PTPRD: variants seen among roughly 807,000 people sequenced by gnomAD.
PTPRD encodes the protein protein tyrosine phosphatase receptor type D.
PTPRD carries 34 observed loss-of-function variants against 214.5 expected under a neutral mutation model. That is an observed-to-expected ratio of 0.16 (90% confidence interval 0.12 to 0.21). The LOEUF (loss-of-function observed/expected upper bound fraction) is 0.21. PTPRD is among the 10% of genes least tolerant of loss of function. The probability of loss-of-function intolerance (pLI) is 1.00; values close to 1 mark genes in which losing one functional copy is unlikely to be tolerated. For missense variants in PTPRD, 2,545 were observed against 2,398.7 expected (o/e 1.06, Z -1.27); for synonymous variants, 1,128 against 845.7 (o/e 1.33, Z -5.79).
chr9:10,576,734 T>C (rs1427890653), intron 2 of PTPRD, among the ~76,000 whole-genome samples: 4 of 152,266 alleles, frequency 2.6e-5, no homozygotes, highest in African/African-American at 4.8e-5. Context: ...ATATGTTCAA[T>C]AGCTCCAAGG....
intron 7 of PTPRD, among the ~76,000 whole-genome samples, chr9:9,706,836 G>T (rs977322141): frequency 5.3e-5 from 8 of 152,096 alleles, no homozygotes; most frequent in African/African-American, 1.9e-4. Flanking sequence ...TTTGGGGTGG[G>T]AATGGGGCGA....
In PTPRD at chr9:8,907,589, G is replaced by A. The variant is rs115195801; in HGVS notation, c.-104+111108C>T. Among the ~76,000 whole-genome samples, 145 of 148,486 alleles carry A rather than the reference G, an allele frequency of 9.8e-4. 1 individual carries two copies. Among genetic ancestry groups the A allele is most frequent in the African/African-American group, 3.4e-3 (138 of 40,636 alleles). ...AATACACAGCATTGAATCAACAAAT[G>A]GGGAATACAGATAAAGCAACTATTA... On this transcript the variant is annotated intron_variant, in intron 11 of 45. Transcript: ENST00000381196.
chr9:9,859,822 C>T (rs2062329875), intron 5 of PTPRD, among the ~76,000 whole-genome samples: 1 of 152,148 alleles, frequency 6.6e-6, no homozygotes, highest in Non-Finnish European at 1.5e-5. Context: ...CTGACTTTCT[C>T]CTTATAACAT....
intron 10 of PTPRD, among the ~76,000 whole-genome samples, chr9:9,050,308 G>C (rs1405881681): frequency 6.6e-6 from 1 of 152,162 alleles, no homozygotes; most frequent in East Asian, 1.9e-4. Context: ...AATGAAGGAA[G>C]ATGAAGGCAG....
At chr9:10,274,318 T>G (rs928627072) in intron 3 of PTPRD, among the ~76,000 whole-genome samples, 1 of 152,114 alleles carries the variant, frequency 6.6e-6, no homozygotes, top group Non-Finnish European at 1.5e-5. Context: ...AGGACAAGGG[T>G]TATAGCTAAC....
intron 11 of PTPRD, among the ~76,000 whole-genome samples, chr9:8,891,760 A>G (rs959784845): frequency 6.6e-6 from 1 of 152,152 alleles, no homozygotes; most frequent in African/African-American, 2.4e-5. Flanking sequence ...GAAAACATTT[A>G]TTAGGAATTG....
At chr9:9,424,220 C>T (rs2079947911) in intron 8 of PTPRD, among the ~76,000 whole-genome samples, 1 of 152,232 alleles carries the variant, frequency 6.6e-6, no homozygotes, top group Non-Finnish European at 1.5e-5. Flanking sequence ...TTACTTCTCT[C>T]TCTGCCCATT....
chr9:9,295,186 T>A (rs893372050), intron 9 of PTPRD, among the ~76,000 whole-genome samples: 8 of 151,748 alleles, frequency 5.3e-5, no homozygotes, highest in African/African-American at 1.9e-4. Flanking sequence ...CTAAATTTTA[T>A]TTAAACAAAT....
intron 2 of PTPRD, among the ~76,000 whole-genome samples, chr9:10,598,970 T>C (rs1365173214): frequency 6.6e-6 from 1 of 151,656 alleles, no homozygotes; most frequent in African/African-American, 2.4e-5. Context: ...TAACAGCCAC[T>C]CTCAAATTTT....
intron 2 of PTPRD, among the ~76,000 whole-genome samples, chr9:10,514,553 TA>T (rs2049366524): frequency 6.6e-6 from 1 of 151,930 alleles, no homozygotes; most frequent in Admixed American, 6.6e-5. Flanking sequence ...ATATTCAAAT[TA>T]TTTCCAAATT....
chr9:9,420,993 T>G (rs1354585850), intron 8 of PTPRD, among the ~76,000 whole-genome samples: 1 of 152,010 alleles, frequency 6.6e-6, no homozygotes, highest in African/African-American at 2.4e-5. Flanking sequence ...CATTTGGTTG[T>G]GCATGCCTTG....
chr9:9,194,972 A>G (rs189905115), intron 9 of PTPRD, among the ~76,000 whole-genome samples: 79 of 149,970 alleles, frequency 5.3e-4, no homozygotes, highest in Non-Finnish European at 7.0e-4. Flanking sequence ...ATCAAGGACC[A>G]GTTGAACCCT....
chr9:10,239,704 G>GAA (rs61297013), intron 3 of PTPRD, among the ~76,000 whole-genome samples: 11 of 151,256 alleles, frequency 7.3e-5, no homozygotes, highest in South Asian at 2.1e-4. Context: ...ACTGAATCCA[G>GAA]AAAAAAATGA....
intron 11 of PTPRD, among the ~76,000 whole-genome samples, chr9:8,758,091 C>A (rs1338780080): frequency 6.6e-6 from 1 of 152,164 alleles, no homozygotes; most frequent in African/African-American, 2.4e-5. Flanking sequence ...CTCCAGCCTA[C>A]CTCATCAAAA....
chr9:9,977,664 A>T (rs1231991832), intron 4 of PTPRD, among the ~76,000 whole-genome samples: 1 of 152,128 alleles, frequency 6.6e-6, no homozygotes, highest in African/African-American at 2.4e-5. Context: ...GGACATATCA[A>T]TTCGCGTTTG....
intron 9 of PTPRD, among the ~76,000 whole-genome samples, chr9:9,345,831 A>G (rs114495862): frequency 6.6e-6 from 1 of 152,186 alleles, no homozygotes; most frequent in Non-Finnish European, 1.5e-5. Context: ...ACATTAGGTT[A>G]TTGTGATGAT....
chr9:10,347,891 C>G (rs1357250638), intron 2 of PTPRD, among the ~76,000 whole-genome samples: 11 of 151,928 alleles, frequency 7.2e-5, no homozygotes, highest in Non-Finnish European at 1.6e-4. Context: ...AAACCTATCT[C>G]TACTAAAAAT....
chr9:10,075,567 G>T (rs755082215), intron 3 of PTPRD, among the ~76,000 whole-genome samples: 10 of 151,612 alleles, frequency 6.6e-5, no homozygotes, highest in Non-Finnish European at 1.0e-4. Flanking sequence ...AATCAGTTTT[G>T]TTCACTGATA....
At chr9:10,471,796 T>C (rs1271915631) in intron 2 of PTPRD, among the ~76,000 whole-genome samples, 1 of 152,040 alleles carries the variant, frequency 6.6e-6, no homozygotes, top group Non-Finnish European at 1.5e-5. Context: ...TGTCAGAAAA[T>C]ATTTATAAAA....
Sources: gnomAD v4.1 joint callset for allele counts (sites outside exome capture counted in the v4.1 genomes callset) on GRCh38, gnomAD v4.1.1 for gene constraint, MANE v1.5 for transcripts, NCBI Gene and HGNC (gene_info 2026-07-23, HGNC 2026-07-21) for gene names.